The following PMPCB variants were observed in gnomAD, a reference collection of about 807,000 sequenced individuals.
PMPCB encodes peptidase, mitochondrial processing subunit beta, also known as mitochondrial-processing peptidase subunit beta.
Under a neutral mutation model 61.5 loss-of-function variants are expected in PMPCB, and 46 were observed. That is an observed-to-expected ratio of 0.75 (90% confidence interval 0.59 to 0.96). The LOEUF (loss-of-function observed/expected upper bound fraction) is 0.96. Among genes scored for constraint, PMPCB ranks in the 40% least tolerant of loss-of-function variants. PMPCB has a pLI of 0.00. For synonymous variants in PMPCB, 191 were observed against 201.6 expected (o/e 0.95, Z 0.44); for missense variants, 590 against 602.4 (o/e 0.98, Z 0.22).
downstream of PMPCB, chr7:103,316,043 T>C (rs767859570): frequency 6.2e-7 from 1 of 1,601,912 alleles, no homozygotes. Context: ...TTCTTTTGAC[T>C]CCAGAGGAAG....
intron 12 of PMPCB, among the ~76,000 whole-genome samples, chr7:103,320,619 G>T (rs1818334458): frequency 6.6e-6 from 1 of 150,680 alleles, no homozygotes; most frequent in South Asian, 2.1e-4. Flanking sequence ...AATTAGCCGG[G>T]CGTGGTCCCA....
intron 12 of PMPCB, chr7:103,327,574 A>G: frequency 5.7e-6 from 5 of 871,168 alleles, no homozygotes; most frequent in South Asian, 3.2e-5. Flanking sequence ...AATGAACTAC[A>G]GTATGCATAA....
the PMPCB span, among the ~76,000 whole-genome samples, chr7:103,338,296 GATTTT>G: frequency 6.9e-6 from 1 of 145,608 alleles, no homozygotes; most frequent in Non-Finnish European, 1.5e-5. Flanking sequence ...ATGATTTTAA[GATTTT>G]ATTTTATTTT....
chr7:103,308,958 G>A lies in PMPCB; in HGVS notation c.856G>A (p.Val286Met). 1.3e-6 allele frequency: 2 copies of A among 1,586,482 alleles called. No individual in the cohort carries two copies. Among genetic ancestry groups the A allele is most frequent in the Non-Finnish European group, 1.7e-6 (2 of 1,166,740 alleles). The part of the protein sequence containing the change: ...PCKFTGSEIR[V>M]RDDKMPLAHL... Reference sequence around the variant, plus strand: ...CCTGCTTTATCTTAACTAGATTCGTGTGAGGGATGACAAGATGCCTTTGGC... The same window carrying A: ...CCTGCTTTATCTTAACTAGATTCGTATGAGGGATGACAAGATGCCTTTGGC... Residue 286 changes from valine to methionine, a missense_variant, in exon 8 of 13, where the codon GTG (valine) becomes ATG (methionine). Val to Met is a conservative substitution (Grantham distance 21). Coordinates refer to ENST00000249269, the MANE Select transcript of PMPCB (RefSeq NM_004279.3).
chr7:103,344,764 C>T, the PMPCB span: 1 of 768,686 alleles, frequency 1.3e-6, no homozygotes, highest in South Asian at 1.6e-5. Flanking sequence ...TGGAGACGAC[C>T]AGTAAGCACT....
rs1586057521 is a variant in PMPCB, at chr7:103,313,434, G to A, written c.*1163G>A. ...AAATTTATAGTACTGTTGGACTCTT[G>A]GACTCAAAAACACAACCACAATTCA... On this transcript the variant is annotated 3_prime_UTR_variant, in exon 13 of 13. Transcript: ENST00000249269. 2 of 983,820 alleles carry A rather than the reference G, an allele frequency of 2.0e-6. No homozygotes were observed. The highest frequency in any genetic ancestry group is 2.4e-6 in the Non-Finnish European group (2 of 828,712). 60.9% of individuals were successfully genotyped at this position (983,820 alleles called of 1,614,324 possible). A position where few individuals can be genotyped will look rare whatever the true frequency, so the allele number is the denominator to read the frequency against.
chr7:103,297,586 C>T (rs1453702526), intron 1 of PMPCB, 28 bp downstream of exon 1: 3 of 1,611,982 alleles, frequency 1.9e-6, no homozygotes, highest in South Asian at 1.1e-5. Context: ...CCGGTCCTGT[C>T]CTCGAGATCT....
chr7:103,308,548 G>T (rs1295955522), intron 7 of PMPCB, among the ~76,000 whole-genome samples: 1 of 152,168 alleles, frequency 6.6e-6, no homozygotes, highest in Non-Finnish European at 1.5e-5. Flanking sequence ...GAACATGGGA[G>T]GCCGAGGTTG....
chr7:103,301,535 G>A (rs1192717162), intron 4 of PMPCB, among the ~76,000 whole-genome samples: 1 of 152,196 alleles, frequency 6.6e-6, no homozygotes, highest in Non-Finnish European at 1.5e-5. Context: ...GAAAAAGGAA[G>A]GATGAAATTA....
rs145017066 is a variant in PMPCB, at chr7:103,328,226, G to A, written c.*1432-705G>A. Among the ~76,000 whole-genome samples the A allele has an allele frequency of 7.3e-3, 1,117 of 152,150 alleles. 11 individuals carry two copies. The highest frequency in any genetic ancestry group is 0.026 in the African/African-American group (1,079 of 41,504). On this transcript the variant is annotated intron_variant and NMD_transcript_variant, in intron 12 of 12. Transcript: ENST00000444457. ...TGTGAGCCACTGAGCCCGGCTTGAA[G>A]TAATTATTTTAAGAATTAGCCAAAG...
In PMPCB at chr7:103,320,224, A is replaced by G. The variant is rs191738015; in HGVS notation, c.*1431+8093A>G. Among the ~76,000 whole-genome samples the G allele has an allele frequency of 3.8e-3, 570 of 151,822 alleles. 4 individuals carry two copies. The highest frequency in any genetic ancestry group is 0.014 in the African/African-American group (561 of 41,432). On this transcript the variant is annotated intron_variant and NMD_transcript_variant, in intron 12 of 12. Coordinates refer to the PMPCB transcript ENST00000444457. Reference sequence around the variant, plus strand: ...CTGCCTCAGTCTCCTGAGTAGCTGGAATTACAGGCGCCTGCCACCACACCT... The same window carrying G: ...CTGCCTCAGTCTCCTGAGTAGCTGGGATTACAGGCGCCTGCCACCACACCT...
intron 12 of PMPCB, chr7:103,324,402 ATT>A: frequency 8.0e-7 from 1 of 1,248,856 alleles, no homozygotes; most frequent in East Asian, 3.0e-5. Context: ...ATCTGAATTA[ATT>A]TATAAACAAT....
Position 103,312,783 on chromosome 7 carries a change from A to G in PMPCB, c.*512A>G. The G allele has an allele frequency of 6.6e-7, 1 of 1,510,968 alleles. No homozygotes were observed. Among genetic ancestry groups the G allele is most frequent in the Non-Finnish European group, 8.8e-7 (1 of 1,138,226 alleles). 93.6% of individuals were successfully genotyped at this position (1,510,968 alleles called of 1,614,324 possible). A position where few individuals can be genotyped will look rare whatever the true frequency, so the allele number is the denominator to read the frequency against. On this transcript the variant is annotated 3_prime_UTR_variant, in exon 13 of 13. Coordinates refer to ENST00000249269, the MANE Select transcript of PMPCB (RefSeq NM_004279.3). Reference sequence around the variant, plus strand: ...ATTTCATTATCTGCCAGGGCCTAGAAAGTTTCTAAGGTTGCTCATTTCTTC... The same window carrying G: ...ATTTCATTATCTGCCAGGGCCTAGAGAGTTTCTAAGGTTGCTCATTTCTTC...
In PMPCB at chr7:103,312,508, GAATGAA is replaced by G; in HGVS notation, c.*242_*247del. 2 of 1,580,536 alleles carry G rather than the reference GAATGAA, an allele frequency of 1.3e-6. No individual in the cohort carries two copies. Among genetic ancestry groups the G allele is most frequent in the East Asian group, 4.5e-5 (2 of 44,552 alleles). ...ATTATTACCATGAGTATAATTTTAA[GAATGAA>G]AATGTTTACAGTATTTTCAGTTTTA... On this transcript the variant is annotated 3_prime_UTR_variant, in exon 13 of 13. Coordinates refer to ENST00000249269, the MANE Select transcript of PMPCB (RefSeq NM_004279.3).
chr7:103,313,874 A>T lies in PMPCB; in HGVS notation c.*1603A>T, dbSNP rs1396421841. On this transcript the variant is annotated 3_prime_UTR_variant, in exon 13 of 13. Transcript: ENST00000249269. Reference sequence around the variant, plus strand: ...GTAGAAAGCTGATTTGGTTAAGTTAATGGACTTCTGGCAATTTAGTTATTT... The same window carrying T: ...GTAGAAAGCTGATTTGGTTAAGTTATTGGACTTCTGGCAATTTAGTTATTT... 4 of 985,302 alleles carry T rather than the reference A, an allele frequency of 4.1e-6. No individual in the cohort carries two copies. Among genetic ancestry groups the T allele is most frequent in the Non-Finnish European group, 4.8e-6 (4 of 829,926 alleles). 61.0% of individuals were successfully genotyped at this position (985,302 alleles called of 1,614,324 possible). A position where few individuals can be genotyped will look rare whatever the true frequency, so the allele number is the denominator to read the frequency against.
chr7:103,334,173 G>A (rs528320885), downstream of PMPCB, among the ~76,000 whole-genome samples: 26 of 151,950 alleles, frequency 1.7e-4, no homozygotes, highest in African/African-American at 5.8e-4. Flanking sequence ...GGATGGTCTC[G>A]ATCTCCTGAC....
chr7:103,300,159 T>C lies in PMPCB; in HGVS notation c.328-19T>C. 1 of 1,604,028 alleles carries C rather than the reference T, an allele frequency of 6.2e-7. No homozygotes were observed. Among genetic ancestry groups the C allele is most frequent in the Admixed American group, 1.7e-5 (1 of 58,070 alleles). ...ATAAAGGGAGTTTGCATAATTTGTT[T>C]TTCCTCTTTTATTTCAAGGGCACCA... On this transcript the variant is annotated intron_variant, in intron 3 of 12. Transcript: ENST00000249269.
Position 103,309,085 on chromosome 7 carries a change from G to T in PMPCB, c.983G>T (p.Gly328Val). 1 of 1,596,984 alleles carries T rather than the reference G, an allele frequency of 6.3e-7. No individual in the cohort carries two copies. Among genetic ancestry groups the T allele is most frequent in the Non-Finnish European group, 8.5e-7 (1 of 1,172,526 alleles). Reference protein sequence around the residue: ...TLIGNWDRSFGGGMNLSSKLA... With the variant: ...TLIGNWDRSFVGGMNLSSKLA... The stretch of plus-strand genomic sequence containing the variant: ...ATTGGCAACTGGGATCGCTCTTTTG[G>T]GGGAGGAATGGTAAGTGATTTTAAA... Residue 328 changes from glycine (G) to valine (V), a missense_variant, in exon 8 of 13, where the codon GGG becomes GTG. Coordinates refer to ENST00000249269, the MANE Select transcript of PMPCB (RefSeq NM_004279.3).
intron 12 of PMPCB, chr7:103,324,628 T>A: frequency 1.6e-6 from 2 of 1,253,184 alleles, no homozygotes; most frequent in Non-Finnish European, 2.1e-6. Context: ...CAACAAACAA[T>A]TTAATTTATT....
Sources: gnomAD v4.1 joint callset for allele counts (sites outside exome capture counted in the v4.1 genomes callset) on GRCh38, gnomAD v4.1.1 for gene constraint, MANE v1.5 for transcripts, NCBI Gene and HGNC (gene_info 2026-07-23, HGNC 2026-07-21) for gene names.